RELCH: variants seen among roughly 807,000 people sequenced by gnomAD.
RELCH encodes the protein RAB11-binding protein RELCH.
RELCH carries 41 observed loss-of-function variants against 150.3 expected under a neutral mutation model. The observed-to-expected ratio is 0.27, with a 90% CI of 0.21 to 0.35. RELCH has a LOEUF of 0.35. Ranked by LOEUF, RELCH falls within the 10% of genes least tolerant of loss-of-function variation. The pLI, the probability that RELCH is intolerant of heterozygous loss-of-function variation, is 1.00. For missense variants in RELCH, 1,092 were observed against 1,467.8 expected (o/e 0.74, Z 4.18); for synonymous variants, 478 against 531.8 (o/e 0.90, Z 1.39).
intron 1 of RELCH, among the ~76,000 whole-genome samples, chr18:62,207,350 A>C (rs1250348258): frequency 1.3e-5 from 2 of 152,220 alleles, no homozygotes; most frequent in African/African-American, 2.4e-5. Flanking sequence ...TTTATTGCTG[A>C]ATAACATTCT....
chr18:62,200,595 A>C (rs2039366675), intron 1 of RELCH, among the ~76,000 whole-genome samples: 1 of 151,730 alleles, frequency 6.6e-6, no homozygotes, highest in South Asian at 2.1e-4. Flanking sequence ...GAGATAGACC[A>C]AGATCCTGGT....
chr18:62,202,596 A>G (rs1489368926), intron 1 of RELCH, among the ~76,000 whole-genome samples: 1 of 152,148 alleles, frequency 6.6e-6, no homozygotes, highest in African/African-American at 2.4e-5. Context: ...CGGCCATGAT[A>G]ATGCCAAGTT....
At chr18:62,205,174 A>G (rs879835313) in intron 1 of RELCH, among the ~76,000 whole-genome samples, 1 of 152,198 alleles carries the variant, frequency 6.6e-6, no homozygotes, top group Non-Finnish European at 1.5e-5. Flanking sequence ...ATACTTTATC[A>G]TGCATGTCAT....
chr18:62,204,803 T>C (rs2039678068), intron 1 of RELCH, among the ~76,000 whole-genome samples: 2 of 152,230 alleles, frequency 1.3e-5, no homozygotes, highest in South Asian at 4.1e-4. Flanking sequence ...TAGTGATTCA[T>C]GGTCTAGCTT....
chr18:62,263,068 G>A (rs1460663844), intron 16 of RELCH, among the ~76,000 whole-genome samples: 2 of 151,890 alleles, frequency 1.3e-5, no homozygotes, highest in Non-Finnish European at 2.9e-5. Flanking sequence ...CTTCTTATAA[G>A]GACATCGGTT....
intron 5 of RELCH, among the ~76,000 whole-genome samples, chr18:62,226,462 T>G (rs1036113903): frequency 6.6e-5 from 10 of 152,206 alleles, no homozygotes; most frequent in African/African-American, 2.4e-4. Context: ...CAAGAAGACA[T>G]GCAGATTAAA....
At chr18:62,207,705 T>A (rs1410860531) in intron 1 of RELCH, among the ~76,000 whole-genome samples, 1 of 152,242 alleles carries the variant, frequency 6.6e-6, no homozygotes, top group Non-Finnish European at 1.5e-5. Context: ...TTCACCCTTT[T>A]AAAGTGTACA....
chr18:62,203,987 A>T (rs1387374295), intron 1 of RELCH, among the ~76,000 whole-genome samples: 2 of 152,196 alleles, frequency 1.3e-5, no homozygotes, highest in African/African-American at 4.8e-5. Flanking sequence ...TCAAAAAAAC[A>T]GCAAGATATA....
At position 62,228,366 on chromosome 18, in the gene RELCH, C is replaced by T. The variant is rs2148413993; in HGVS notation, c.1216C>T (p.Pro406Ser). ...AIPAVCDSVQPPLDQLPHKDS... is the reference protein window; with the variant it reads ...AIPAVCDSVQSPLDQLPHKDS... ...CCCAGCAGTTTGTGACTCTGTTCAG[C>T]CTCCTTTGGATCAGTTGCCCCACAA... Residue 406 changes from proline (P) to serine (S), a missense_variant, in exon 8 of 29, where the codon CCT (proline) becomes TCT (serine). Pro to Ser is a moderately conservative substitution (Grantham distance 74). This residue lies in a region of RELCH where 707 missense variants were observed against 1,025.4 expected (regional missense o/e 0.69). Transcript: ENST00000644646. 1 of 1,613,328 alleles carries T rather than the reference C, an allele frequency of 6.2e-7. No individual in the cohort carries two copies. Among genetic ancestry groups the T allele is most frequent in the East Asian group, 2.2e-5 (1 of 44,846 alleles).
intron 27 of RELCH, among the ~76,000 whole-genome samples, chr18:62,298,457 C>T (rs568361950): frequency 7.2e-5 from 11 of 152,150 alleles, no homozygotes; most frequent in African/African-American, 2.7e-4. Context: ...TGTGTGTGAC[C>T]ATAGTGTGTG....
At position 62,261,781 on chromosome 18, in the gene RELCH, A is replaced by G. The variant is rs1245188911; in HGVS notation, c.2350+123A>G. ...GACAGCATAATTTTTAAAATGTATT[A>G]TGTGTGTAGAATCTCATGGTCATAA... is the stretch of plus-strand genomic sequence containing the variant. On this transcript the variant is annotated intron_variant, in intron 16 of 28. Coordinates refer to ENST00000644646, the MANE Select transcript of RELCH (RefSeq NM_001346231.2). 10 of 758,404 alleles carry G rather than the reference A, an allele frequency of 1.3e-5. No individual in the cohort carries two copies. The Admixed American group carries it at 2.9e-4, about 22-fold the overall frequency. 47.0% of individuals were successfully genotyped at this position (758,404 alleles called of 1,614,324 possible).
At position 62,261,591 on chromosome 18, in the gene RELCH, A is replaced by G. The variant is rs766122219; in HGVS notation, c.2283A>G (p.Ala761=). 2.5e-6 allele frequency: 4 copies of G among 1,612,084 alleles called. No homozygotes were observed. Among genetic ancestry groups the G allele is most frequent in the East Asian group, 4.5e-5 (2 of 44,782 alleles). ...AGTCCTTGATCCCATCTCTCTTTGC[A>G]TTAGTGCTACAGAATGCACCTTTCT... The part of the protein sequence containing the change: ...ALQSLIPSLF[A]LVLQNAPFSS... Residue 761 remains alanine, a synonymous_variant, in exon 16 of 29, where the codon GCA becomes GCG. Coordinates refer to ENST00000644646, the MANE Select transcript of RELCH (RefSeq NM_001346231.2).
intron 5 of RELCH, among the ~76,000 whole-genome samples, chr18:62,225,657 A>T (rs1212273755): frequency 1.3e-5 from 2 of 152,012 alleles, no homozygotes; most frequent in Non-Finnish European, 2.9e-5. Context: ...GTTAATTAGA[A>T]TGTTTACCTA....
intron 22 of RELCH, among the ~76,000 whole-genome samples, chr18:62,277,415 G>T (rs2044270308): frequency 6.6e-6 from 1 of 152,072 alleles, no homozygotes; most frequent in South Asian, 2.1e-4. Flanking sequence ...AGAAATTAAA[G>T]TTCCTTTTTT....
intron 25 of RELCH, among the ~76,000 whole-genome samples, chr18:62,283,237 G>C (rs1399760233): frequency 6.6e-6 from 1 of 152,112 alleles, no homozygotes; most frequent in African/African-American, 2.4e-5. Flanking sequence ...TTCATAGCTT[G>C]TTGATCTGCT....
intron 2 of RELCH, among the ~76,000 whole-genome samples, chr18:62,216,695 C>T (rs1378026004): frequency 2.6e-5 from 4 of 152,018 alleles, no homozygotes. Flanking sequence ...AGGAAGCTTA[C>T]ATAATCTAGT....
At chr18:62,190,687 C>G (rs2038567127) in intron 1 of RELCH, among the ~76,000 whole-genome samples, 1 of 152,230 alleles carries the variant, frequency 6.6e-6, no homozygotes. Context: ...CCACTGATCA[C>G]TTAGAACAGA....
intron 12 of RELCH, among the ~76,000 whole-genome samples, chr18:62,253,062 T>C (rs963330300): frequency 6.6e-6 from 1 of 152,150 alleles, no homozygotes; most frequent in Non-Finnish European, 1.5e-5. Context: ...AGAAATGGTC[T>C]GCTATTTTGT....
At position 62,197,203 on chromosome 18, in the gene RELCH, G is replaced by A. The variant is rs144262828; in HGVS notation, c.526+9172G>A. ...ATAGGGTGTTTCCACTGGGGTAGTTGCAAAAATACAATATGACATTTCAGC... is the reference window on the plus strand; with the variant it reads ...ATAGGGTGTTTCCACTGGGGTAGTTACAAAAATACAATATGACATTTCAGC... On this transcript the variant is annotated intron_variant, in intron 1 of 28. Coordinates refer to ENST00000644646, the MANE Select transcript of RELCH (RefSeq NM_001346231.2). Among the ~76,000 whole-genome samples, 125 of 152,214 alleles carry A rather than the reference G, an allele frequency of 8.2e-4. 1 individual carries two copies. The highest frequency in any genetic ancestry group is 3.0e-3 in the African/African-American group (123 of 41,540).
Sources: allele counts gnomAD v4.1 joint callset (sites outside exome capture counted in the v4.1 genomes callset), GRCh38; gene constraint gnomAD v4.1.1; regional missense constraint gnomAD v4.1.1; transcripts MANE v1.5; gene names NCBI Gene and HGNC (gene_info 2026-07-23, HGNC 2026-07-21).